The following BRAP variants were observed in gnomAD, a reference collection of about 807,000 sequenced individuals.
BRAP encodes the protein BRCA1 associated protein.
Under a neutral mutation model 73.4 loss-of-function variants are expected in BRAP, and 42 were observed. That is an observed-to-expected ratio of 0.57 (90% confidence interval 0.45 to 0.74). BRAP has a LOEUF of 0.74. BRAP is among the 30% of genes least tolerant of loss of function. BRAP has a pLI of 0.00. For missense variants in BRAP, 593 were observed against 751.4 expected (o/e 0.79, Z 2.46); for synonymous variants, 255 against 267.4 (o/e 0.95, Z 0.45).
intron 11 of BRAP, among the ~76,000 whole-genome samples, chr12:111,646,768 G>A (rs181077051): frequency 3.9e-5 from 6 of 152,228 alleles, no homozygotes; most frequent in East Asian, 1.9e-4. Flanking sequence ...GCAAGATTCC[G>A]TCTCAAAAAT....
chr12:111,672,779 G>A lies in BRAP; in HGVS notation c.634-5C>T, dbSNP rs764366622. ...ATAAAAACTATCCGCATCAGCCTAT[G>A]TACACCAATGGGGAAAAGGAAAAAA... On this transcript the variant is annotated splice_polypyrimidine_tract_variant and splice_region_variant and intron_variant, in intron 4 of 11. Transcript: ENST00000419234. 1.2e-5 allele frequency: 19 copies of A among 1,610,474 alleles called. No homozygotes were observed. The highest frequency in any genetic ancestry group is 1.6e-5 in the Non-Finnish European group (19 of 1,178,286).
intron 1 of BRAP, among the ~76,000 whole-genome samples, chr12:111,685,216 T>G (rs1342816141): frequency 1.3e-5 from 2 of 152,244 alleles, no homozygotes; most frequent in Non-Finnish European, 2.9e-5. Flanking sequence ...CTCTTAGGGC[T>G]GTTGCAAAGA....
intron 7 of BRAP, 100 bp from the exon 8 acceptor site, chr12:111,659,445 G>A: frequency 3.5e-6 from 4 of 1,154,812 alleles, no homozygotes; most frequent in Non-Finnish European, 4.8e-6. Context: ...CCTGAGGTCA[G>A]GAGTTCGAGA....
chr12:111,651,716 C>T (rs1466753748), intron 10 of BRAP, among the ~76,000 whole-genome samples: 1 of 143,468 alleles, frequency 7.0e-6, no homozygotes, highest in East Asian at 2.2e-4. Context: ...TGGCTCACTA[C>T]AACCTCCAAC....
At chr12:111,656,666 G>A (rs1368840018) in intron 9 of BRAP, among the ~76,000 whole-genome samples, 1 of 152,146 alleles carries the variant, frequency 6.6e-6, no homozygotes, top group Non-Finnish European at 1.5e-5. Context: ...ATGAGAGCAG[G>A]GAGTTTGTTC....
In BRAP at chr12:111,643,820, A is replaced by G. The variant is rs1313889416; in HGVS notation, c.*379T>C. ...TGGTGCTTTAGTGCTAGATAACCTTACCTTTGAGGTTACAAGAAATAACTT... is the reference window on the plus strand; with the variant it reads ...TGGTGCTTTAGTGCTAGATAACCTTGCCTTTGAGGTTACAAGAAATAACTT... On this transcript the variant is annotated 3_prime_UTR_variant, in exon 12 of 12. Transcript: ENST00000419234. The G allele has an allele frequency of 5.1e-6, 1 of 196,846 alleles. No homozygotes were observed. The allele number at this position is 196,846 out of a possible 1,614,324, so 12.2% of individuals were successfully genotyped here.
At chr12:111,676,704 C>T (rs1887394755) in intron 4 of BRAP, among the ~76,000 whole-genome samples, 1 of 152,214 alleles carries the variant, frequency 6.6e-6, no homozygotes. Context: ...GCATGAGGCA[C>T]TGCACCTGGC....
intron 10 of BRAP, among the ~76,000 whole-genome samples, chr12:111,653,092 C>G (rs562074530): frequency 6.6e-5 from 10 of 152,186 alleles, no homozygotes; most frequent in African/African-American, 1.7e-4. Flanking sequence ...ACTAGGGAGA[C>G]TGAGGTGGGA....
chr12:111,667,759 T>C (rs1361701228), intron 5 of BRAP, among the ~76,000 whole-genome samples: 15 of 132,696 alleles, frequency 1.1e-4, no homozygotes, highest in Non-Finnish European at 2.3e-4. Context: ...ACTAACACCC[T>C]ACAATATACA....
intron 10 of BRAP, among the ~76,000 whole-genome samples, chr12:111,651,633 T>C (rs946923972): frequency 3.3e-5 from 5 of 151,010 alleles, no homozygotes; most frequent in African/African-American, 1.2e-4. Context: ...AAGATTTCTT[T>C]TCTTTTTTTT....
rs1185506522 is a variant in BRAP, at chr12:111,660,642, C to G, written c.930G>C (p.Glu310Asp). 6.2e-7 allele frequency: 1 copy of G among 1,608,078 alleles called. No homozygotes were observed. The highest frequency in any genetic ancestry group is 8.5e-7 in the Non-Finnish European group (1 of 1,177,018). The change falls in exon 7 of 12, where the codon GAG (glutamate) becomes GAC (aspartate). Residue 310 changes from glutamate to aspartate, a missense_variant. Glu to Asp is a conservative substitution (Grantham distance 45). Around this residue, in one of 4 missense-constraint regions of BRAP, gnomAD observed 67 missense variants for 158.0 expected, o/e 0.42. Transcript: ENST00000419234. ...CPVCRYCQTP[E>D]PVEENKCFEC... is the part of the protein sequence containing the mutation. ...CAAAACACTTATTTTCTTCTACTGG[C>G]TCGGGCGTTTGACAGTACCGGCAAA... is the stretch of plus-strand genomic sequence containing the variant.
chr12:111,678,023 C>T (rs909253949), intron 4 of BRAP, among the ~76,000 whole-genome samples: 12 of 152,114 alleles, frequency 7.9e-5, no homozygotes, highest in South Asian at 4.2e-4. Flanking sequence ...GAGGCTGGGG[C>T]GGGCAGATCA....
chr12:111,670,334 C>T (rs1887117405), intron 5 of BRAP: 3 of 491,108 alleles, frequency 6.1e-6, no homozygotes, highest in Non-Finnish European at 1.2e-5. Context: ...AGCTCCAGCT[C>T]GCTGAGACTT....
At chr12:111,672,999 GT>G (rs1887237564) in intron 4 of BRAP, 1 of 453,924 alleles carries the variant, frequency 2.2e-6, no homozygotes, top group African/African-American at 2.0e-5. Context: ...CTACAACAGA[GT>G]TTTTACCTGA....
chr12:111,657,846 T>C (rs898689374), intron 9 of BRAP, among the ~76,000 whole-genome samples: 1 of 152,016 alleles, frequency 6.6e-6, no homozygotes, highest in Non-Finnish European at 1.5e-5. Context: ...ACCACTGTAC[T>C]CTAGCCTGTA....
chr12:111,674,303 C>T (rs1477188466), intron 4 of BRAP, among the ~76,000 whole-genome samples: 2 of 152,158 alleles, frequency 1.3e-5, no homozygotes, highest in South Asian at 2.1e-4. Flanking sequence ...AGAGCAATGG[C>T]ATGACGTCAG....
intron 6 of BRAP, among the ~76,000 whole-genome samples, chr12:111,664,527 T>C (rs2098869890): frequency 2.0e-5 from 3 of 152,200 alleles, no homozygotes; most frequent in South Asian, 2.1e-4. Context: ...CTCCACGGAA[T>C]TGGAGCAAGA....
chr12:111,651,924 C>T (rs904659510), intron 10 of BRAP, among the ~76,000 whole-genome samples: 3 of 152,068 alleles, frequency 2.0e-5, no homozygotes, highest in Non-Finnish European at 4.4e-5. Context: ...GCATAAGCCA[C>T]CACGCCTGGC....
chr12:111,659,517 G>A (rs1886663281), intron 7 of BRAP, among the ~76,000 whole-genome samples, 172 bp from the exon 8 acceptor site: 1 of 152,208 alleles, frequency 6.6e-6, no homozygotes, highest in Non-Finnish European at 1.5e-5. Context: ...AGCTGGGCGT[G>A]GTGGCAGCTG....
Sources: gnomAD v4.1 joint callset for allele counts (sites outside exome capture counted in the v4.1 genomes callset) on GRCh38, gnomAD v4.1.1 for gene constraint, gnomAD v4.1.1 regional missense constraint, MANE v1.5 for transcripts, NCBI Gene and HGNC (gene_info 2026-07-23, HGNC 2026-07-21) for gene names.